Variants in SMAD6 observed in about 807,000 individuals in gnomAD.
SMAD6 encodes SMAD family member 6.
SMAD6 carries 103 observed loss-of-function variants against 39.4 expected under a neutral mutation model. The ratio of observed to expected loss-of-function variants is 2.62; its 90% CI spans 2.23 to 3.08. SMAD6 has a LOEUF of 3.08. SMAD6 is among the 30% of genes most tolerant of loss of function. The probability of loss-of-function intolerance (pLI) is 0.00; values close to 1 mark genes in which losing one functional copy is unlikely to be tolerated. For synonymous variants in SMAD6, 445 were observed against 353.3 expected (o/e 1.26, Z -2.91); for missense variants, 1,104 against 742.9 (o/e 1.49, Z -5.65).
At chr15:66,711,985 A>G (rs1173671401) in intron 2 of SMAD6, among the ~76,000 whole-genome samples, 1 of 152,198 alleles carries the variant, frequency 6.6e-6, no homozygotes, top group Non-Finnish European at 1.5e-5. Flanking sequence ...CTTTTTAAAC[A>G]TGGGCCTGTC....
intron 3 of SMAD6, among the ~76,000 whole-genome samples, chr15:66,761,621 C>T (rs1426922980): frequency 1.3e-5 from 2 of 152,158 alleles, no homozygotes; most frequent in Admixed American, 6.5e-5. Flanking sequence ...GCCCTTCCTC[C>T]GAGGCAGCAG....
chr15:66,717,890 C>T (rs72756482), intron 3 of SMAD6, among the ~76,000 whole-genome samples: 54,867 of 151,778 alleles, frequency 0.36, 10,192 homozygotes, highest in East Asian at 0.47. Context: ...AAGGCCCAAC[C>T]AGATGAACGC....
At chr15:66,709,322 T>G (rs1234592658) in intron 1 of SMAD6, among the ~76,000 whole-genome samples, 3 of 152,242 alleles carry the variant, frequency 2.0e-5, no homozygotes, top group African/African-American at 7.2e-5. Context: ...TGGTTCAGGT[T>G]CATAGATTTT....
At chr15:66,734,426 A>G (rs1173554534) in intron 3 of SMAD6, among the ~76,000 whole-genome samples, 3 of 152,112 alleles carry the variant, frequency 2.0e-5, no homozygotes, top group Non-Finnish European at 2.9e-5. Context: ...CGGGAAACTG[A>G]AGGGGGAACA....
At chr15:66,775,910 G>A (rs182955562) in intron 3 of SMAD6, among the ~76,000 whole-genome samples, 184 of 152,360 alleles carry the variant, frequency 1.2e-3, no homozygotes, top group African/African-American at 4.2e-3. Context: ...AGAGGCACAG[G>A]GGGAGGGGGC....
At chr15:66,770,127 C>T (rs947819370) in intron 3 of SMAD6, among the ~76,000 whole-genome samples, 2 of 152,160 alleles carry the variant, frequency 1.3e-5, no homozygotes, top group Admixed American at 6.5e-5. Context: ...TGCGCCCGGC[C>T]GAGAAGGGCT....
intron 3 of SMAD6, among the ~76,000 whole-genome samples, chr15:66,753,526 A>G (rs1894044268): frequency 6.6e-6 from 1 of 152,114 alleles, no homozygotes; most frequent in Non-Finnish European, 1.5e-5. Context: ...CATTCCATAG[A>G]TGGAGAAACC....
Position 66,703,829 on chromosome 15 carries a change from C to G in SMAD6, c.571C>G (p.Leu191Val), listed in dbSNP as rs1567091717. 2 of 1,408,618 alleles carry G rather than the reference C, an allele frequency of 1.4e-6. No homozygotes were observed. Among genetic ancestry groups the G allele is most frequent in the South Asian group, 1.5e-5 (1 of 68,454 alleles). 87.3% of individuals were successfully genotyped at this position (1,408,618 alleles called of 1,614,324 possible). ...GCTCAAGGAGCGCTCGCTGGACACGCTGCTGGAGGCGGTGGAGTCCCGCGG... is the reference window on the plus strand; with the variant it reads ...GCTCAAGGAGCGCTCGCTGGACACGGTGCTGGAGGCGGTGGAGTCCCGCGG... ...KRLKERSLDT[L>V]LEAVESRGGV... is the part of the protein sequence containing the mutation. Residue 191 changes from leucine (L) to valine (V), a missense_variant, in exon 1 of 4, where the codon CTG becomes GTG. By Grantham distance (32) the Leu-to-Val change is conservative. Transcript: ENST00000288840.
chr15:66,702,871 C>A lies in SMAD6; in HGVS notation c.-388C>A. On this transcript the variant is annotated 5_prime_UTR_variant, in exon 1 of 4. Coordinates refer to ENST00000288840, the MANE Select transcript of SMAD6 (RefSeq NM_005585.5). ...AGACACATTTAGGGGTTCGCGCGAG[C>A]GCTTTGTGCTCATGGACCAGCCGCA... The A allele has an allele frequency of 5.4e-6, 1 of 184,800 alleles. No individual in the cohort carries two copies. Among genetic ancestry groups the A allele is most frequent in the Non-Finnish European group, 1.1e-5 (1 of 90,010 alleles). The allele number at this position is 184,800 out of a possible 1,614,324, so 11.4% of individuals were successfully genotyped here.
In SMAD6 at chr15:66,781,990, T is replaced by C. The variant is rs1206390827; in HGVS notation, c.*455T>C. 2 of 398,670 alleles carry C rather than the reference T, an allele frequency of 5.0e-6. No homozygotes were observed. The highest frequency in any genetic ancestry group is 8.9e-6 in the Non-Finnish European group (2 of 225,952). 24.7% of individuals were successfully genotyped at this position (398,670 alleles called of 1,614,324 possible). A position where few individuals can be genotyped will look rare whatever the true frequency, so the allele number is the denominator to read the frequency against. On this transcript the variant is annotated 3_prime_UTR_variant, in exon 4 of 4. Coordinates refer to ENST00000288840, the MANE Select transcript of SMAD6 (RefSeq NM_005585.5). ...CGATAATAAAGTATTCGCATTATAG[T>C]TTTTTTTAAACTGTCTTCTTTTTAC... is the stretch of plus-strand genomic sequence containing the variant.
At chr15:66,713,204 T>C (rs1893264632) in intron 2 of SMAD6, among the ~76,000 whole-genome samples, 1 of 152,196 alleles carries the variant, frequency 6.6e-6, no homozygotes, top group African/African-American at 2.4e-5. Context: ...AAAAGTCAGA[T>C]GGCGTGGCAA....
rs779554802 is a variant in SMAD6 at position 66,782,305 on chromosome 15, G to A, written c.*770G>A. ...GGAGGTTCATGCCCTAGCCTAGAAA[G>A]GCCCAGGTCCATGCCCCCCATCTTT... On this transcript the variant is annotated 3_prime_UTR_variant, in exon 4 of 4. Transcript: ENST00000288840. 12 of 179,798 alleles carry A rather than the reference G, an allele frequency of 6.7e-5. No homozygotes were observed. The highest frequency in any genetic ancestry group is 1.4e-4 in the Non-Finnish European group (12 of 87,454). The allele number at this position is 179,798 out of a possible 1,614,324, so 11.1% of individuals were successfully genotyped here.
chr15:66,779,058 C>T (rs1894515013), intron 3 of SMAD6, among the ~76,000 whole-genome samples: 1 of 152,154 alleles, frequency 6.6e-6, no homozygotes, highest in Non-Finnish European at 1.5e-5. Flanking sequence ...TGGGGACTCC[C>T]AGACCTGTGC....
chr15:66,780,381 C>A (rs7165807), intron 3 of SMAD6, among the ~76,000 whole-genome samples: 1 of 151,988 alleles, frequency 6.6e-6, no homozygotes. Flanking sequence ...CCCCAGCCCG[C>A]CTCCCTGTGC....
chr15:66,751,752 AC>A (rs1053536578), intron 3 of SMAD6, among the ~76,000 whole-genome samples: 1 of 151,938 alleles, frequency 6.6e-6, no homozygotes, highest in Non-Finnish European at 1.5e-5. Context: ...TGTCCATTCT[AC>A]CCCCCACACC....
chr15:66,763,277 G>T (rs765292703), intron 3 of SMAD6, among the ~76,000 whole-genome samples: 57 of 152,204 alleles, frequency 3.7e-4, no homozygotes, highest in African/African-American at 1.1e-3. Context: ...AGGCTGGTGG[G>T]CTGCAGGGTA....
At position 66,753,344 on chromosome 15, in the gene SMAD6, T is replaced by A. The variant is rs74715524; in HGVS notation, c.953-27653T>A. On this transcript the variant is annotated intron_variant, in intron 3 of 3. Coordinates refer to ENST00000288840, the MANE Select transcript of SMAD6 (RefSeq NM_005585.5). The stretch of plus-strand genomic sequence containing the variant: ...CCTCCTGTCACCCCAGTCGCAGGGA[T>A]CTGGGCAGATGTGGGTCCTTGTGCG... Among the ~76,000 whole-genome samples, 25 of 152,252 alleles carry A rather than the reference T, an allele frequency of 1.6e-4. No homozygotes were observed. The East Asian group carries it at 4.8e-3, about 29-fold the overall frequency.
At chr15:66,734,972 G>A (rs1010360873) in intron 3 of SMAD6, among the ~76,000 whole-genome samples, 3 of 152,248 alleles carry the variant, frequency 2.0e-5, no homozygotes, top group Non-Finnish European at 4.4e-5. Context: ...TCATGGCTGT[G>A]TCTCCCAGCA....
intron 3 of SMAD6, among the ~76,000 whole-genome samples, chr15:66,756,938 G>C (rs1033760017): frequency 6.6e-6 from 1 of 152,228 alleles, no homozygotes; most frequent in Non-Finnish European, 1.5e-5. Flanking sequence ...ATACTCATAT[G>C]TTGGGAGGGA....
Sources: gnomAD v4.1 joint callset for allele counts (sites outside exome capture counted in the v4.1 genomes callset) on GRCh38, gnomAD v4.1.1 for gene constraint, MANE v1.5 for transcripts, NCBI Gene and HGNC (gene_info 2026-07-23, HGNC 2026-07-21) for gene names.